The following SYNPR variants were observed in gnomAD, a reference collection of about 807,000 sequenced individuals.
The protein encoded by SYNPR is synaptoporin.
In SYNPR, 23 loss-of-function variants were observed where a neutral mutation model predicts 32.9. That is an observed-to-expected ratio of 0.70 (90% CI 0.50 to 0.99). The LOEUF is 0.99. Among genes scored for constraint, SYNPR ranks in the 50% least tolerant of loss-of-function variants. The pLI, the probability that SYNPR is intolerant of heterozygous loss-of-function variation, is 0.00. For synonymous variants in SYNPR, 146 were observed against 135.9 expected (o/e 1.07, Z -0.52); for missense variants, 318 against 349.3 (o/e 0.91, Z 0.71).
At chr3:63,461,892 GA>G (rs1229584345) in intron 2 of SYNPR, among the ~76,000 whole-genome samples, 5 of 152,052 alleles carry the variant, frequency 3.3e-5, no homozygotes, top group African/African-American at 9.6e-5. Flanking sequence ...TCAGGACCTG[GA>G]ACATAGTAAA....
chr3:63,412,950 G>A (rs370772715), intron 2 of SYNPR, among the ~76,000 whole-genome samples: 8 of 152,214 alleles, frequency 5.3e-5, no homozygotes, highest in Middle Eastern at 6.8e-3. Flanking sequence ...ACTCAAATTC[G>A]GAACCTGCTA....
At chr3:63,388,846 C>T (rs1204164852) in intron 2 of SYNPR, among the ~76,000 whole-genome samples, 1 of 152,100 alleles carries the variant, frequency 6.6e-6, no homozygotes, top group Non-Finnish European at 1.5e-5. Context: ...TAATATTAGG[C>T]TTCCAAAGCC....
At chr3:63,291,296 A>G (rs554772326) in intron 2 of SYNPR, among the ~76,000 whole-genome samples, 2 of 152,164 alleles carry the variant, frequency 1.3e-5, no homozygotes, top group East Asian at 3.9e-4. Context: ...CTGCCTCTCA[A>G]TTTCTTGAAC....
chr3:63,371,115 A>C (rs2087806941), intron 2 of SYNPR, among the ~76,000 whole-genome samples: 1 of 152,166 alleles, frequency 6.6e-6, no homozygotes, highest in Non-Finnish European at 1.5e-5. Context: ...CTGGGATGGC[A>C]TAGAGCCAGA....
intron 1 of SYNPR, among the ~76,000 whole-genome samples, chr3:63,232,811 G>C (rs1367617276): frequency 6.6e-6 from 1 of 152,102 alleles, no homozygotes; most frequent in Non-Finnish European, 1.5e-5. Flanking sequence ...ATTTTAATTT[G>C]ATATAGTCAT....
intron 2 of SYNPR, among the ~76,000 whole-genome samples, chr3:63,379,297 G>A (rs927000120): frequency 1.7e-4 from 26 of 152,076 alleles, no homozygotes; most frequent in Middle Eastern, 3.2e-3. Flanking sequence ...TTCTGCTGTC[G>A]TTTGGTGAAG....
At chr3:63,477,312 C>T (rs1189795949) in intron 2 of SYNPR, among the ~76,000 whole-genome samples, 1 of 152,150 alleles carries the variant, frequency 6.6e-6, no homozygotes, top group African/African-American at 2.4e-5. Context: ...ATTTCACGCT[C>T]CAAAATACAG....
intron 4 of SYNPR, among the ~76,000 whole-genome samples, chr3:63,583,089 T>TTGTTAGCAGAGTTACAATAGTTACAGA (rs1703121290): frequency 6.6e-6 from 1 of 152,060 alleles, no homozygotes. Context: ...GAGGTGGTTA[T>TTGTTAGCAGAGTTACAATAGTTACAGA]CTATTGTTAG....
At chr3:63,286,766 G>A (rs1166890753) in intron 2 of SYNPR, among the ~76,000 whole-genome samples, 1 of 152,172 alleles carries the variant, frequency 6.6e-6, no homozygotes, top group Non-Finnish European at 1.5e-5. Flanking sequence ...AAAGACCTCA[G>A]TTTCCTAACC....
chr3:63,318,037 T>G (rs1013652785), intron 2 of SYNPR, among the ~76,000 whole-genome samples: 2 of 152,044 alleles, frequency 1.3e-5, no homozygotes, highest in Non-Finnish European at 2.9e-5. Context: ...GGATACAAAA[T>G]TATTGACTGA....
At chr3:63,473,599 G>A (rs145025394) in intron 2 of SYNPR, among the ~76,000 whole-genome samples, 1 of 152,182 alleles carries the variant, frequency 6.6e-6, no homozygotes, top group Non-Finnish European at 1.5e-5. Flanking sequence ...GTCTGCTCGT[G>A]TTAAAAAATA....
intron 2 of SYNPR, among the ~76,000 whole-genome samples, chr3:63,376,985 A>C (rs1315372840): frequency 6.6e-6 from 1 of 152,114 alleles, no homozygotes; most frequent in Non-Finnish European, 1.5e-5. Flanking sequence ...TATTGCAGTG[A>C]GTTTCATGCC....
chr3:63,560,941 C>G (rs1702678140), intron 4 of SYNPR, among the ~76,000 whole-genome samples: 1 of 152,180 alleles, frequency 6.6e-6, no homozygotes, highest in Admixed American at 6.6e-5. Context: ...TGGGCAACTT[C>G]ATTTTGGTTG....
the SYNPR span, among the ~76,000 whole-genome samples, chr3:63,218,246 G>A: frequency 6.6e-6 from 1 of 152,214 alleles, no homozygotes; most frequent in Non-Finnish European, 1.5e-5. Context: ...TGATATATTA[G>A]TTGATAACCC....
At chr3:63,583,464 C>T (rs1269393031) in intron 4 of SYNPR, among the ~76,000 whole-genome samples, 7 of 151,894 alleles carry the variant, frequency 4.6e-5, no homozygotes, top group Admixed American at 2.6e-4. Context: ...GGGGTAGAGG[C>T]GATGTTTCTC....
chr3:63,579,874 CT>C (rs1559541905), intron 4 of SYNPR, among the ~76,000 whole-genome samples: 1 of 151,234 alleles, frequency 6.6e-6, no homozygotes, highest in Non-Finnish European at 1.5e-5. Context: ...AAAGAACACT[CT>C]AGTGTTTCTC....
intron 2 of SYNPR, among the ~76,000 whole-genome samples, chr3:63,437,563 A>C (rs1238057746): frequency 1.4e-5 from 2 of 147,008 alleles, no homozygotes; most frequent in African/African-American, 4.9e-5. Flanking sequence ...GAGGAGAGAC[A>C]GAGAAAGAAA....
chr3:63,588,028 A>T (rs1306871783), intron 4 of SYNPR, among the ~76,000 whole-genome samples: 1 of 152,134 alleles, frequency 6.6e-6, no homozygotes, highest in Admixed American at 6.6e-5. Context: ...AGAAAAATTT[A>T]AAAATTACTT....
intron 4 of SYNPR, among the ~76,000 whole-genome samples, chr3:63,565,290 A>G (rs1702762118): frequency 1.3e-5 from 2 of 152,110 alleles, no homozygotes; most frequent in Non-Finnish European, 2.9e-5. Flanking sequence ...ACAATAAAAT[A>G]CCTGAGACTG....
Sources: gnomAD v4.1 joint callset for allele counts (sites outside exome capture counted in the v4.1 genomes callset) on GRCh38, gnomAD v4.1.1 for gene constraint, MANE v1.5 for transcripts, NCBI Gene and HGNC (gene_info 2026-07-23, HGNC 2026-07-21) for gene names.